The following AEBP2 variants were observed in gnomAD, a reference collection of about 807,000 sequenced individuals.
AEBP2 encodes AE binding protein 2.
Under a neutral mutation model 50.8 loss-of-function variants are expected in AEBP2, and 10 were observed. The ratio of observed to expected loss-of-function variants is 0.20; its 90% CI spans 0.12 to 0.33. The LOEUF is 0.33. AEBP2 is among the 10% of genes least tolerant of loss of function. The pLI is 1.00. For synonymous variants in AEBP2, 296 were observed against 261.3 expected (o/e 1.13, Z -1.28); for missense variants, 570 against 688.0 (o/e 0.83, Z 1.92).
In AEBP2 at chr12:19,504,735, T is replaced by C. The variant is rs146249904; in HGVS notation, c.1299+4514T>C. ...TGTTCTTCCTTGTGTTGCCAATTTA[T>C]TGACAGCAAATATACCAATTAAATG... On this transcript the variant is annotated intron_variant, in intron 5 of 7. Coordinates refer to ENST00000266508, the MANE Select transcript of AEBP2 (RefSeq NM_153207.5). 1.6e-4 allele frequency among the ~76,000 whole-genome samples: 25 copies of C among 152,280 alleles called. No homozygotes were observed. The East Asian group carries it at 4.3e-3, about 26-fold the overall frequency.
Position 19,518,404 on chromosome 12 carries a change from C to T in AEBP2, c.*287C>T, listed in dbSNP as rs1358845083. The T allele has an allele frequency of 1.6e-6, 2 of 1,229,228 alleles. No individual in the cohort carries two copies. The highest frequency in any genetic ancestry group is 6.7e-5 in the East Asian group (2 of 30,004). 76.1% of individuals were successfully genotyped at this position (1,229,228 alleles called of 1,614,324 possible). A position where few individuals can be genotyped will look rare whatever the true frequency, so the allele number is the denominator to read the frequency against. On this transcript the variant is annotated 3_prime_UTR_variant, in exon 8 of 8. Transcript: ENST00000266508. The stretch of plus-strand genomic sequence containing the variant: ...TTTTGGCAACTTAGTAGAACAGCTT[C>T]TTAAAGGCTTTGCATGCTTGCTGCT...
chr12:19,454,533 C>T (rs753288310), intron 1 of AEBP2, among the ~76,000 whole-genome samples: 6 of 152,082 alleles, frequency 3.9e-5, no homozygotes, highest in Admixed American at 6.6e-5. Flanking sequence ...GCAGCAGAGC[C>T]GTAGCCTTTT....
chr12:19,443,859 A>AT (rs149571853), intron 1 of AEBP2, among the ~76,000 whole-genome samples: 41 of 152,260 alleles, frequency 2.7e-4, no homozygotes, highest in Admixed American at 5.9e-4. Context: ...CAAAAAGTTG[A>AT]TTTTTTTCCC....
chr12:19,500,021 T>C, intron 4 of AEBP2, 76 bp from the exon 5 acceptor site: 1 of 1,320,684 alleles, frequency 7.6e-7, no homozygotes, highest in East Asian at 2.6e-5. Flanking sequence ...TATGTATTTG[T>C]TAATTGTTTC....
At chr12:19,473,992 ATTG>A (rs780638398) in intron 3 of AEBP2, among the ~76,000 whole-genome samples, 3 of 152,002 alleles carry the variant, frequency 2.0e-5, no homozygotes, top group African/African-American at 7.3e-5. Flanking sequence ...ATGTTTTCTT[ATTG>A]TTAAAGGTTT....
chr12:19,456,951 C>T, intron 1 of AEBP2: 1 of 1,510,046 alleles, frequency 6.6e-7, no homozygotes, highest in Non-Finnish European at 9.2e-7. Flanking sequence ...GAGCCTCAAG[C>T]AGCATGGTTC....
At chr12:19,479,926 C>T (rs1342739555) in intron 3 of AEBP2, among the ~76,000 whole-genome samples, 3 of 151,630 alleles carry the variant, frequency 2.0e-5, no homozygotes, top group Non-Finnish European at 4.4e-5. Context: ...GAATTTTATC[C>T]ATTTTCCCAT....
At chr12:19,506,413 C>G (rs577559762) in intron 5 of AEBP2, among the ~76,000 whole-genome samples, 2 of 152,246 alleles carry the variant, frequency 1.3e-5, no homozygotes, top group East Asian at 3.9e-4. Context: ...TTATTTCTCT[C>G]TTAGTAAAGA....
At chr12:19,487,202 C>T (rs1482773177) in intron 3 of AEBP2, among the ~76,000 whole-genome samples, 1 of 151,968 alleles carries the variant, frequency 6.6e-6, no homozygotes, top group Non-Finnish European at 1.5e-5. Flanking sequence ...TATAAATAAC[C>T]TTCTCCTAGT....
At chr12:19,414,001 C>T (rs2095740860) in intron 1 of AEBP2, among the ~76,000 whole-genome samples, 1 of 151,850 alleles carries the variant, frequency 6.6e-6, no homozygotes, top group Non-Finnish European at 1.5e-5. Flanking sequence ...CCAAGCGATT[C>T]TCCTGCCTTA....
chr12:19,417,399 G>A (rs2095743196), intron 1 of AEBP2, among the ~76,000 whole-genome samples: 1 of 151,864 alleles, frequency 6.6e-6, no homozygotes, highest in African/African-American at 2.4e-5. Context: ...ACATGTCACA[G>A]TTTTCTTATG....
At chr12:19,412,933 A>G (rs987721434) in intron 1 of AEBP2, among the ~76,000 whole-genome samples, 4 of 152,188 alleles carry the variant, frequency 2.6e-5, no homozygotes, top group Non-Finnish European at 5.9e-5. Context: ...CGAGGTGGCC[A>G]TGCCGCTTTC....
Position 19,440,248 on chromosome 12 carries a change from C to T in AEBP2, c.549C>T (p.Ser183=), listed in dbSNP as rs1196211262. ...GCAGTAGCAGCAGCGTAGTCTCCAGCGGCGGCGACGAGGGCTACGGGACTG... is the reference window on the plus strand; with the variant it reads ...GCAGTAGCAGCAGCGTAGTCTCCAGTGGCGGCGACGAGGGCTACGGGACTG... ...GGSSSSSVVS[S]GGDEGYGTGG... Residue 183 remains serine, a synonymous_variant, in exon 1 of 8, where the codon AGC becomes AGT. Coordinates refer to ENST00000266508, the MANE Select transcript of AEBP2 (RefSeq NM_153207.5). 2.7e-6 allele frequency: 4 copies of T among 1,467,436 alleles called. No homozygotes were observed. Among genetic ancestry groups the T allele is most frequent in the East Asian group, 2.6e-5 (1 of 39,120 alleles). The allele number at this position is 1,467,436 out of a possible 1,614,324, so 90.9% of individuals were successfully genotyped here.
chr12:19,455,003 A>ATT lies in AEBP2; in HGVS notation c.672-7494_672-7493dup, dbSNP rs778113628. Among the ~76,000 whole-genome samples, 19 of 145,132 alleles carry ATT rather than the reference A, an allele frequency of 1.3e-4. No individual in the cohort carries two copies. The East Asian group carries it at 1.4e-3, about 11-fold the overall frequency. On this transcript the variant is annotated intron_variant, in intron 1 of 7. Transcript: ENST00000266508. ...GTGCTCAAGCTTTGGTGGTTCTCAG[A>ATT]TTTTTTTTTTTTTTCATGAGATAGA... is the stretch of plus-strand genomic sequence containing the variant.
At chr12:19,499,941 T>G (rs1949041066) in intron 4 of AEBP2, among the ~76,000 whole-genome samples, 156 bp from the exon 5 acceptor site, 1 of 152,244 alleles carries the variant, frequency 6.6e-6, no homozygotes. Context: ...CTTTTGCATA[T>G]TAGTCTTCTT....
chr12:19,414,423 G>C (rs565229809), intron 1 of AEBP2, among the ~76,000 whole-genome samples: 1 of 152,270 alleles, frequency 6.6e-6, no homozygotes, highest in East Asian at 1.9e-4. Flanking sequence ...AAATCAGTGG[G>C]CTTTCAGGAT....
intron 1 of AEBP2, among the ~76,000 whole-genome samples, chr12:19,423,778 C>T (rs2095747083): frequency 6.6e-6 from 1 of 152,086 alleles, no homozygotes; most frequent in Non-Finnish European, 1.5e-5. Context: ...GAGACGGAGG[C>T]TGCAGTGAGC....
At chr12:19,505,245 T>C (rs1949139360) in intron 5 of AEBP2, among the ~76,000 whole-genome samples, 1 of 152,214 alleles carries the variant, frequency 6.6e-6, no homozygotes, top group Non-Finnish European at 1.5e-5. Flanking sequence ...CAGATTTTTT[T>C]TGTTTTAACA....
At chr12:19,411,550 G>C (rs562361729) in intron 1 of AEBP2, among the ~76,000 whole-genome samples, 66 of 145,084 alleles carry the variant, frequency 4.5e-4, no homozygotes, top group African/African-American at 1.7e-3. Context: ...ACAAATTCCT[G>C]CTTCTTAGAG....
Sources: gnomAD v4.1 joint callset for allele counts (sites outside exome capture counted in the v4.1 genomes callset) on GRCh38, gnomAD v4.1.1 for gene constraint, MANE v1.5 for transcripts, NCBI Gene and HGNC (gene_info 2026-07-23, HGNC 2026-07-21) for gene names.